PRMT7: variants seen among roughly 807,000 people sequenced by gnomAD.
PRMT7 encodes protein arginine methyltransferase 7.
A neutral mutation model predicts 85.4 loss-of-function variants in PRMT7; 75 were observed. That is an observed-to-expected ratio of 0.88 (90% CI 0.73 to 1.06). PRMT7 has a LOEUF of 1.06. PRMT7 is among the 50% of genes least tolerant of loss of function. PRMT7 has a pLI of 0.00. For missense variants in PRMT7, 868 were observed against 915.2 expected, an observed-to-expected ratio of 0.95 and a Z score of 0.67; for synonymous variants, 397 against 359.5, an observed-to-expected ratio of 1.10 and a Z score of -1.18.
rs911798267 is a variant in PRMT7 at position 68,312,110 on chromosome 16, G to C, written c.-150G>C. 44 of 151,770 alleles carry C rather than the reference G, an allele frequency of 2.9e-4. No individual in the cohort carries two copies. The highest frequency in any genetic ancestry group is 9.9e-4 in the African/African-American group (41 of 41,392). The allele number at this position is 151,770 out of a possible 1,614,324, so 9.4% of individuals were successfully genotyped here. ...GGCGCACTGCAGCCTTGACCTCCTG[G>C]GCTCAAGCGATCCTCACCTCGGCCT... On this transcript the variant is annotated 5_prime_UTR_variant, in exon 2 of 19. Coordinates refer to ENST00000441236, the MANE Select transcript of PRMT7 (RefSeq NM_019023.5).
rs1460497300 is a variant in PRMT7 at position 68,320,291 on chromosome 16, A to C, written c.96-1135A>C. 1.3e-5 allele frequency among the ~76,000 whole-genome samples: 2 copies of C among 152,202 alleles called. 1 individual carries two copies. Among genetic ancestry groups the C allele is most frequent in the Non-Finnish European group, 2.9e-5 (2 of 68,040 alleles). On this transcript the variant is annotated intron_variant, in intron 3 of 18. Transcript: ENST00000441236. The stretch of plus-strand genomic sequence containing the variant: ...GACCCTAACCCAGTGGCGCTAGAGG[A>C]ATTAAAGACACACACACAGAAATAT...
intron 9 of PRMT7, among the ~76,000 whole-genome samples, chr16:68,342,075 C>T (rs538877963): frequency 1.3e-5 from 2 of 152,198 alleles, no homozygotes; most frequent in Non-Finnish European, 2.9e-5. Context: ...GTCAGGAGTT[C>T]GAGACCAGCC....
intron 17 of PRMT7, 118 bp from the exon 18 acceptor site, chr16:68,356,583 G>A (rs1375706082): frequency 4.1e-6 from 3 of 735,696 alleles, no homozygotes; most frequent in African/African-American, 1.8e-5. Context: ...AGGAACTCCC[G>A]GCAGGGCAGG....
rs1334289605 is a variant in PRMT7 at position 68,345,617 on chromosome 16, A to C, written c.928-58A>C. On this transcript the variant is annotated intron_variant, in intron 9 of 18. Transcript: ENST00000441236. ...CAGTTCTCTGGCATTTGGCTCCTGG[A>C]TTAGAAGCATTGCTCATACTGCAGC... 1.9e-6 allele frequency: 3 copies of C among 1,606,126 alleles called. No individual in the cohort carries two copies. The African/African-American group carries it at 4.0e-5, about 21-fold the overall frequency.
chr16:68,320,726 T>G (rs540594580), intron 3 of PRMT7, among the ~76,000 whole-genome samples: 1 of 152,346 alleles, frequency 6.6e-6, no homozygotes, highest in South Asian at 2.1e-4. Context: ...AGCTAACTAC[T>G]GGAGCATTTT....
At chr16:68,340,290 A>G (rs995424323) in intron 9 of PRMT7, among the ~76,000 whole-genome samples, 29 of 152,248 alleles carry the variant, frequency 1.9e-4, no homozygotes, top group African/African-American at 6.7e-4. Flanking sequence ...TCAGCTTGGA[A>G]TAGAGAACTA....
At chr16:68,359,496 C>G (rs983038696), downstream of PRMT7, 1 of 152,784 alleles carries the variant, frequency 6.5e-6, no homozygotes, top group Admixed American at 6.5e-5. Flanking sequence ...TCCCTGGGCT[C>G]TGCAGCGTTG....
chr16:68,352,869 G>A (rs559567806), intron 15 of PRMT7, among the ~76,000 whole-genome samples: 2 of 152,320 alleles, frequency 1.3e-5, no homozygotes, highest in South Asian at 4.1e-4. Context: ...TTTATTAAAA[G>A]GATTTGAAAA....
At chr16:68,334,225 C>T (rs551041476) in intron 6 of PRMT7, among the ~76,000 whole-genome samples, 28 of 152,274 alleles carry the variant, frequency 1.8e-4, no homozygotes, top group Admixed American at 5.2e-4. Flanking sequence ...TTATTTGCTC[C>T]GGGCCTGTCA....
Position 68,352,378 on chromosome 16 carries a change from C to T in PRMT7, c.1544C>T (p.Ala515Val). The T allele has an allele frequency of 1.9e-6, 3 of 1,608,032 alleles. No homozygotes were observed. The highest frequency in any genetic ancestry group is 2.5e-6 in the Non-Finnish European group (3 of 1,179,710). The part of the protein sequence containing the change: ...GPGAMVMPQA[A>V]SLHAVVVEFR... ...GGTGCCATGGTGATGCCCCAGGCAG[C>T]CTCGCTGCACGCTGTGGTTGTGGAG... The change falls in exon 15 of 19, where the codon GCC becomes GTC. Residue 515 changes from alanine (A) to valine (V), a missense_variant. Physicochemically the swap from Ala to Val is moderately conservative, Grantham distance 64. Transcript: ENST00000441236.
Position 68,315,853 on chromosome 16 carries a change from G to C in PRMT7, c.-83-44G>C, listed in dbSNP as rs531776040. ...TGTGCTGTTAATAGATTTTTTTTCT[G>C]TTCGTTTGTTTATATACCTCCTGTT... On this transcript the variant is annotated intron_variant, in intron 2 of 18. Coordinates refer to ENST00000441236, the MANE Select transcript of PRMT7 (RefSeq NM_019023.5). The C allele has an allele frequency of 1.8e-5, 14 of 760,976 alleles. No individual in the cohort carries two copies. In the African/African-American group the frequency reaches 2.1e-4, roughly 11 times the overall value. The allele number at this position is 760,976 out of a possible 1,614,324, so 47.1% of individuals were successfully genotyped here.
chr16:68,311,273 T>C (rs1375419088), intron 1 of PRMT7, 174 bp downstream of exon 1: 3 of 401,570 alleles, frequency 7.5e-6, no homozygotes, highest in Non-Finnish European at 1.4e-5. Flanking sequence ...GGTTCTAGGC[T>C]GGCCCCGGCT....
At chr16:68,324,464 A>G (rs1816596399) in intron 4 of PRMT7, 1 of 582,118 alleles carries the variant, frequency 1.7e-6, no homozygotes, top group South Asian at 2.0e-5. Flanking sequence ...AGTAGAGGAT[A>G]GAAGAGTGAG....
At chr16:68,334,288 C>T (rs1336290769) in intron 6 of PRMT7, among the ~76,000 whole-genome samples, 1 of 152,194 alleles carries the variant, frequency 6.6e-6, no homozygotes, top group Non-Finnish European at 1.5e-5. Flanking sequence ...AGTTGTGCTT[C>T]ATCCATAATC....
chr16:68,348,227 C>T (rs555283104), intron 13 of PRMT7, 115 bp from the exon 14 acceptor site: 2 of 881,608 alleles, frequency 2.3e-6, no homozygotes, highest in Admixed American at 2.1e-5. Context: ...AGTGGTGTTC[C>T]AGAACCATTT....
At chr16:68,314,718 T>C (rs1179527076) in intron 2 of PRMT7, among the ~76,000 whole-genome samples, 1 of 152,098 alleles carries the variant, frequency 6.6e-6, no homozygotes, top group Non-Finnish European at 1.5e-5. Flanking sequence ...AGAACACCTA[T>C]TGCTTTCTGC....
At chr16:68,350,650 A>T (rs1474906954) in intron 14 of PRMT7, among the ~76,000 whole-genome samples, 1 of 152,234 alleles carries the variant, frequency 6.6e-6, no homozygotes, top group Non-Finnish European at 1.5e-5. Flanking sequence ...TGATTTTTGT[A>T]TATTCATAAG....
chr16:68,316,009 G>T lies in PRMT7; in HGVS notation c.30G>T (p.Pro10=), dbSNP rs373967899. The T allele has an allele frequency of 3.1e-6, 5 of 1,613,686 alleles. No homozygotes were observed. In the Admixed American group the frequency reaches 8.3e-5, roughly 27 times the overall value. ...AGATCTTCTGCAGTCGGGCCAATCCGACCACGGGGTCTGTGGAGTGGCTGG... is the reference window on the plus strand; with the variant it reads ...AGATCTTCTGCAGTCGGGCCAATCCTACCACGGGGTCTGTGGAGTGGCTGG... MKIFCSRAN[P]TTGSVEWLEE... Residue 10 remains proline, a synonymous_variant, in exon 3 of 19, where the codon CCG becomes CCT. Coordinates refer to ENST00000441236, the MANE Select transcript of PRMT7 (RefSeq NM_019023.5).
intron 9 of PRMT7, among the ~76,000 whole-genome samples, chr16:68,340,552 G>C (rs927539889): frequency 6.7e-6 from 1 of 149,432 alleles, no homozygotes; most frequent in Admixed American, 6.7e-5. Flanking sequence ...CTGCACTCCC[G>C]CCTGGGCAAT....
Sources: gnomAD v4.1 joint callset for allele counts (sites outside exome capture counted in the v4.1 genomes callset) on GRCh38, gnomAD v4.1.1 for gene constraint, MANE v1.5 for transcripts, NCBI Gene and HGNC (gene_info 2026-07-23, HGNC 2026-07-21) for gene names.